Variants in DNAJC13 observed in about 807,000 individuals in gnomAD.
The protein encoded by DNAJC13 is DnaJ heat shock protein family (Hsp40) member C13.
A neutral mutation model predicts 290.5 loss-of-function variants in DNAJC13; 75 were observed. The ratio of observed to expected loss-of-function variants is 0.26; its 90% CI spans 0.21 to 0.31. DNAJC13 has a LOEUF of 0.31. DNAJC13 is among the 10% of genes least tolerant of loss of function. The probability of loss-of-function intolerance (pLI) is 1.00; values close to 1 mark genes in which losing one functional copy is unlikely to be tolerated. For synonymous variants in DNAJC13, 862 were observed against 892.0 expected (o/e 0.97, Z 0.60); for missense variants, 2,260 against 2,674.5 (o/e 0.85, Z 3.42).
At chr3:132,521,363 C>A (rs745339833) in intron 48 of DNAJC13, among the ~76,000 whole-genome samples, 1 of 152,030 alleles carries the variant, frequency 6.6e-6, no homozygotes, top group African/African-American at 2.4e-5. Flanking sequence ...CAGAGTGAGA[C>A]CCTGTCCAAA....
intron 1 of DNAJC13, among the ~76,000 whole-genome samples, chr3:132,418,951 C>T (rs1938877275): frequency 6.6e-6 from 1 of 152,160 alleles, no homozygotes; most frequent in African/African-American, 2.4e-5. Flanking sequence ...GTCAGAAATT[C>T]GGTATCCAGA....
chr3:132,488,647 C>G (rs1286343151), intron 30 of DNAJC13, among the ~76,000 whole-genome samples, 195 bp downstream of exon 30: 3 of 151,936 alleles, frequency 2.0e-5, no homozygotes, highest in Admixed American at 2.0e-4. Flanking sequence ...TATTCCACAT[C>G]TAGCATAAGA....
intron 48 of DNAJC13, among the ~76,000 whole-genome samples, chr3:132,517,291 T>C (rs1435189468): frequency 6.6e-6 from 1 of 152,186 alleles, no homozygotes; most frequent in Non-Finnish European, 1.5e-5. Flanking sequence ...GGGAGATCTT[T>C]TATTCCAAAT....
chr3:132,425,849 T>G (rs561164536), intron 1 of DNAJC13, among the ~76,000 whole-genome samples: 95 of 152,248 alleles, frequency 6.2e-4, no homozygotes, highest in African/African-American at 2.2e-3. Context: ...TTAATTTTGC[T>G]GTGTGTGTAA....
chr3:132,515,758 T>G (rs150976911), intron 46 of DNAJC13, among the ~76,000 whole-genome samples: 1 of 152,332 alleles, frequency 6.6e-6, no homozygotes, highest in East Asian at 1.9e-4. Flanking sequence ...TCAGACTAAA[T>G]TATCTTACAC....
At chr3:132,428,402 A>G (rs966083155) in intron 1 of DNAJC13, among the ~76,000 whole-genome samples, 12 of 152,214 alleles carry the variant, frequency 7.9e-5, no homozygotes, top group African/African-American at 2.9e-4. Context: ...TGGATAGGCT[A>G]ATATTACACT....
chr3:132,508,943 A>G (rs1935686634), intron 43 of DNAJC13, among the ~76,000 whole-genome samples: 1 of 152,210 alleles, frequency 6.6e-6, no homozygotes, highest in South Asian at 2.1e-4. Flanking sequence ...TTGGCAATGC[A>G]CCTGGTCACC....
intron 20 of DNAJC13, among the ~76,000 whole-genome samples, chr3:132,469,166 T>A (rs1318262956): frequency 6.6e-6 from 1 of 152,230 alleles, no homozygotes; most frequent in Admixed American, 6.5e-5. Flanking sequence ...TCTGCGTGGG[T>A]ACTATTTTTA....
intron 44 of DNAJC13, among the ~76,000 whole-genome samples, chr3:132,512,471 C>T (rs936944820): frequency 7.2e-5 from 11 of 152,042 alleles, no homozygotes; most frequent in African/African-American, 1.2e-4. Context: ...CTGAACAAAA[C>T]GGAAGTAAAT....
At chr3:132,509,747 A>G (rs1935710044) in intron 43 of DNAJC13, among the ~76,000 whole-genome samples, 2 of 152,236 alleles carry the variant, frequency 1.3e-5, no homozygotes, top group Admixed American at 1.3e-4. Context: ...CCCACCAGCA[A>G]AAAGATTGAC....
chr3:132,469,998 A>ATTTTT (rs1934141537), intron 20 of DNAJC13, among the ~76,000 whole-genome samples: 6 of 52,210 alleles, frequency 1.1e-4, no homozygotes, highest in Non-Finnish European at 2.3e-4. Context: ...TTTTTAATTT[A>ATTTTT]TTTTTTTATT....
chr3:132,508,696 G>A (rs1325039182), intron 43 of DNAJC13, among the ~76,000 whole-genome samples: 1 of 152,174 alleles, frequency 6.6e-6, no homozygotes, highest in African/African-American at 2.4e-5. Flanking sequence ...CTGGGTGACA[G>A]TCATACCCCA....
At chr3:132,489,062 G>C in intron 31 of DNAJC13, 41 bp downstream of exon 31, 1 of 1,544,356 alleles carries the variant, frequency 6.5e-7, no homozygotes, top group South Asian at 1.1e-5. Flanking sequence ...CCCTGGGTAA[G>C]CTGTTTTGGC....
chr3:132,534,967 G>A (rs945498230), intron 55 of DNAJC13, among the ~76,000 whole-genome samples: 60 of 152,188 alleles, frequency 3.9e-4, no homozygotes, highest in African/African-American at 1.3e-3. Flanking sequence ...TTATAGTGTT[G>A]TGTTGAATTG....
intron 29 of DNAJC13, 55 bp downstream of exon 29, chr3:132,484,727 T>A (rs747437157): frequency 6.9e-6 from 10 of 1,457,090 alleles, no homozygotes; most frequent in Non-Finnish European, 8.7e-6. Flanking sequence ...CTCTGAATTT[T>A]ATTATCAGTA....
rs918186409 is a variant in DNAJC13 at position 132,425,448 on chromosome 3, C to T, written c.-14+7688C>T. 2.6e-5 allele frequency among the ~76,000 whole-genome samples: 4 copies of T among 152,258 alleles called. No homozygotes were observed. The South Asian group carries it at 8.3e-4, about 32-fold the overall frequency. On this transcript the variant is annotated intron_variant, in intron 1 of 55. Coordinates refer to ENST00000260818, the MANE Select transcript of DNAJC13 (RefSeq NM_015268.4). ...TTTACATTAGATACCCACATGCCCA[C>T]CTAAAGGTTTTTACATTAACATTTT... is the stretch of plus-strand genomic sequence containing the variant.
At position 132,499,330 on chromosome 3, in the gene DNAJC13, G is replaced by A. The variant is rs751210084; in HGVS notation, c.4341+20G>A. ...CTAGAGGTAATACGGAGTGACCTTTGTGCTTTTTAAGCCAGTTTACACACA... is the reference window on the plus strand; with the variant it reads ...CTAGAGGTAATACGGAGTGACCTTTATGCTTTTTAAGCCAGTTTACACACA... On this transcript the variant is annotated intron_variant, in intron 37 of 55. Coordinates refer to ENST00000260818, the MANE Select transcript of DNAJC13 (RefSeq NM_015268.4). 9.0e-6 allele frequency: 14 copies of A among 1,557,850 alleles called. No homozygotes were observed. Among genetic ancestry groups the A allele is most frequent in the Non-Finnish European group, 1.2e-5 (14 of 1,150,188 alleles).
rs1451341850 is a variant in DNAJC13, at chr3:132,470,868, A to G, written c.2209-2277A>G. Reference sequence around the variant, plus strand: ...TGATCCCCCCACCTCCCTCCCGGACAGGGCGGCCGGCCGGGCGGGGGGCTG... The same window carrying G: ...TGATCCCCCCACCTCCCTCCCGGACGGGGCGGCCGGCCGGGCGGGGGGCTG... On this transcript the variant is annotated intron_variant, in intron 20 of 55. Coordinates refer to ENST00000260818, the MANE Select transcript of DNAJC13 (RefSeq NM_015268.4). 7.6e-3 allele frequency among the ~76,000 whole-genome samples: 718 copies of G among 94,242 alleles called. 24 individuals are homozygous for G. The highest frequency in any genetic ancestry group is 0.012 in the Non-Finnish European group (548 of 46,486). 61.8% of individuals were successfully genotyped at this position (94,242 alleles called of 152,430 possible). A position where few individuals can be genotyped will look rare whatever the true frequency, so the allele number is the denominator to read the frequency against.
At chr3:132,501,045 G>A in intron 39 of DNAJC13, 132 bp downstream of exon 39, 1 of 1,206,136 alleles carries the variant, frequency 8.3e-7, no homozygotes, top group Non-Finnish European at 1.1e-6. Flanking sequence ...ATTTCTAAAA[G>A]CATTTTTCAC....
Sources: gnomAD v4.1 joint callset for allele counts (sites outside exome capture counted in the v4.1 genomes callset) on GRCh38, gnomAD v4.1.1 for gene constraint, MANE v1.5 for transcripts, NCBI Gene and HGNC (gene_info 2026-07-23, HGNC 2026-07-21) for gene names.